ASAP1: variants seen among roughly 807,000 people sequenced by gnomAD.
ASAP1 encodes ArfGAP with SH3 domain, ankyrin repeat and PH domain 1, also known as arf-GAP with SH3 domain, ANK repeat and PH domain-containing protein 1.
ASAP1 carries 43 observed loss-of-function variants against 145.2 expected under a neutral mutation model. The ratio of observed to expected loss-of-function variants is 0.30; its 90% CI spans 0.23 to 0.38. The LOEUF (loss-of-function observed/expected upper bound fraction) is 0.38. Among genes scored for constraint, ASAP1 ranks in the 10% least tolerant of loss-of-function variants. The pLI is 1.00. For synonymous variants in ASAP1, 546 were observed against 515.5 expected (o/e 1.06, Z -0.80); for missense variants, 1,018 against 1,355.3 (o/e 0.75, Z 3.91).
chr8:130,192,436 A>G (rs905840252), intron 5 of ASAP1, among the ~76,000 whole-genome samples: 8 of 152,146 alleles, frequency 5.3e-5, no homozygotes, highest in African/African-American at 1.7e-4. Context: ...TGGGTCTGAG[A>G]CTGAAAATAT....
chr8:130,436,900 A>G (rs1022093740), intron 1 of ASAP1, among the ~76,000 whole-genome samples: 3 of 152,106 alleles, frequency 2.0e-5, no homozygotes, highest in Non-Finnish European at 4.4e-5. Context: ...TAAGGTCAGG[A>G]GTTCAAGACT....
At position 130,358,219 on chromosome 8, in the gene ASAP1, G is replaced by A. The variant is rs1453780505; in HGVS notation, c.60-76C>T. ...AGGCTCCCGGGGCCGCGGGCCGCCC[G>A]GAGGCTCATGAACCCCGGCGCGCAG... On this transcript the variant is annotated intron_variant, in intron 2 of 29. Coordinates refer to ENST00000518721, the MANE Select transcript of ASAP1 (RefSeq NM_018482.4). The surrounding 1 kb of genome is among the most constrained non-coding windows in gnomAD (Gnocchi z 4.1). 14 of 1,347,998 alleles carry A rather than the reference G, an allele frequency of 1.0e-5. 1 individual carries two copies. Among genetic ancestry groups the A allele is most frequent in the Admixed American group, 2.2e-5 (1 of 45,064 alleles). The allele number at this position is 1,347,998 out of a possible 1,614,324, so 83.5% of individuals were successfully genotyped here.
At chr8:130,387,300 C>T (rs1242836270) in intron 2 of ASAP1, among the ~76,000 whole-genome samples, 1 of 152,136 alleles carries the variant, frequency 6.6e-6, no homozygotes, top group Non-Finnish European at 1.5e-5. Flanking sequence ...TTTGGGGAGG[C>T]CGAGGTGGGC....
intron 3 of ASAP1, among the ~76,000 whole-genome samples, chr8:130,301,592 A>T (rs1234069460): frequency 6.6e-6 from 1 of 152,196 alleles, no homozygotes; most frequent in East Asian, 1.9e-4. Context: ...ATATTGATTA[A>T]ATATAAATCA....
intron 12 of ASAP1, among the ~76,000 whole-genome samples, chr8:130,153,673 A>G (rs2135967603): frequency 6.6e-6 from 1 of 152,112 alleles, no homozygotes; most frequent in Admixed American, 6.6e-5. Flanking sequence ...TGGCCGTGGC[A>G]CTGCTTTGGA....
intron 3 of ASAP1, among the ~76,000 whole-genome samples, chr8:130,245,794 C>T (rs893081949): frequency 2.0e-5 from 3 of 152,152 alleles, no homozygotes; most frequent in African/African-American, 7.2e-5. Context: ...CTCAATAATG[C>T]TGCTATTTCT....
intron 4 of ASAP1, among the ~76,000 whole-genome samples, chr8:130,222,052 C>T (rs1036311472): frequency 1.3e-5 from 2 of 152,192 alleles, no homozygotes; most frequent in African/African-American, 4.8e-5. Context: ...CAGCCTTTTA[C>T]CCCGTGGACA....
chr8:130,265,711 G>A (rs1057253167), intron 3 of ASAP1, among the ~76,000 whole-genome samples: 13 of 152,124 alleles, frequency 8.5e-5, no homozygotes, highest in African/African-American at 2.9e-4. Flanking sequence ...GCAAAACCCT[G>A]TCTCGCTAAA....
Position 130,052,735 on chromosome 8 carries a change from G to GTTTTTTTTTTTTTTTTTTTTT in ASAP1, c.*1995_*1996insAAAAAAAAAAAAAAAAAAAAA, listed in dbSNP as rs5895032. ...GCTTTTGTGTTTTTTTTTTGTTTTT[G>GTTTTTTTTTTTTTTTTTTTTT]TTTTTTTTTTTTTTTTGAAAAAAAC... On this transcript the variant is annotated 3_prime_UTR_variant, in exon 30 of 30. Transcript: ENST00000518721. The GTTTTTTTTTTTTTTTTTTTTT allele has an allele frequency of 8.2e-6, 1 of 122,142 alleles. No individual in the cohort carries two copies. The highest frequency in any genetic ancestry group is 1.7e-5 in the Non-Finnish European group (1 of 58,480). The allele number at this position is 122,142 out of a possible 1,614,324, so 7.6% of individuals were successfully genotyped here.
rs752747632 is a variant in ASAP1 at position 130,117,009 on chromosome 8, T to C, written c.1881-14A>G. 57 of 1,570,670 alleles carry C rather than the reference T, an allele frequency of 3.6e-5. No homozygotes were observed. Among genetic ancestry groups the C allele is most frequent in the Middle Eastern group, 1.8e-4 (1 of 5,486 alleles). ...TCCAGGTTCCCACTGAAAAATTAGA[T>C]GATGATTAGAAAAAAATGACTTACT... is the stretch of plus-strand genomic sequence containing the variant. On this transcript the variant is annotated splice_polypyrimidine_tract_variant and intron_variant, in intron 20 of 29. Coordinates refer to ENST00000518721, the MANE Select transcript of ASAP1 (RefSeq NM_018482.4).
intron 2 of ASAP1, among the ~76,000 whole-genome samples, chr8:130,361,371 TTGTG>T (rs1237419667): frequency 6.6e-6 from 1 of 152,204 alleles, no homozygotes; most frequent in Admixed American, 6.5e-5. Flanking sequence ...AGGAGCCGAC[TTGTG>T]TATACAGTCA....
chr8:130,239,175 T>C (rs955986872), intron 3 of ASAP1, among the ~76,000 whole-genome samples: 2 of 152,124 alleles, frequency 1.3e-5, no homozygotes, highest in Admixed American at 6.6e-5. Flanking sequence ...CTGCATGTCA[T>C]GCTTAAGGGA....
intron 3 of ASAP1, among the ~76,000 whole-genome samples, chr8:130,350,467 C>T (rs1333568241): frequency 2.6e-5 from 4 of 152,194 alleles, no homozygotes; most frequent in Admixed American, 2.0e-4. Context: ...TTCTAGGAAG[C>T]CAATCACCTC....
rs574423203 is a variant in ASAP1, at chr8:130,184,951, T to C, written c.530+2285A>G. 8.5e-5 allele frequency among the ~76,000 whole-genome samples: 13 copies of C among 152,318 alleles called. 1 individual carries two copies. In the East Asian group the frequency reaches 2.5e-3, roughly 29 times the overall value. On this transcript the variant is annotated intron_variant, in intron 7 of 29. Coordinates refer to ENST00000518721, the MANE Select transcript of ASAP1 (RefSeq NM_018482.4). ...TGGCTCAATGTCACAAAACTGGTAATGATTTCTAAGTCTGTGATCTAAATC... is the reference window on the plus strand; with the variant it reads ...TGGCTCAATGTCACAAAACTGGTAACGATTTCTAAGTCTGTGATCTAAATC...
At chr8:130,162,981 A>T (rs1026210005) in intron 11 of ASAP1, 1 of 160,726 alleles carries the variant, frequency 6.2e-6, no homozygotes, top group South Asian at 1.8e-4. Context: ...CTCTCGTGGT[A>T]GTTTTCTTTT....
chr8:130,164,646 C>A (rs777555604), intron 11 of ASAP1, among the ~76,000 whole-genome samples: 13 of 152,092 alleles, frequency 8.5e-5, no homozygotes, highest in Admixed American at 3.9e-4. Context: ...GCAAATAGTT[C>A]TTTTGTAGAT....
At position 130,063,465 on chromosome 8, in the gene ASAP1, C is replaced by G. The variant is rs1443183986; in HGVS notation, c.2702-2396G>C. 5.1e-4 allele frequency among the ~76,000 whole-genome samples: 78 copies of G among 152,202 alleles called. 1 individual carries two copies. Among genetic ancestry groups the G allele is most frequent in the Admixed American group, 5.1e-3 (78 of 15,280 alleles). On this transcript the variant is annotated intron_variant, in intron 27 of 29. Coordinates refer to ENST00000518721, the MANE Select transcript of ASAP1 (RefSeq NM_018482.4). ...TGGTGTGACAATGTGACTGTTGGCACCAGTCTGAGACCCTTGAGGGGAAGA... is the reference window on the plus strand; with the variant it reads ...TGGTGTGACAATGTGACTGTTGGCAGCAGTCTGAGACCCTTGAGGGGAAGA...
intron 4 of ASAP1, among the ~76,000 whole-genome samples, chr8:130,235,261 TCAAGG>T (rs1231742761): frequency 6.6e-6 from 1 of 152,136 alleles, no homozygotes; most frequent in African/African-American, 2.4e-5. Flanking sequence ...CAAATCACAA[TCAAGG>T]CTTCAGTGAA....
intron 24 of ASAP1, among the ~76,000 whole-genome samples, chr8:130,101,038 T>A (rs1405810814): frequency 2.0e-5 from 3 of 152,196 alleles, no homozygotes; most frequent in Non-Finnish European, 4.4e-5. Flanking sequence ...TAAAGAAGGA[T>A]CCTTTCCCCA....
Sources: allele counts gnomAD v4.1 joint callset (sites outside exome capture counted in the v4.1 genomes callset), GRCh38; gene constraint gnomAD v4.1.1; non-coding constraint Gnocchi (gnomAD v3.1); transcripts MANE v1.5; gene names NCBI Gene and HGNC (gene_info 2026-07-23, HGNC 2026-07-21).